The following RANBP17 variants were observed in gnomAD, a reference collection of about 807,000 sequenced individuals.
RANBP17 encodes RAN binding protein 17, also known as ran-binding protein 17.
Under a neutral mutation model 141.2 loss-of-function variants are expected in RANBP17, and 158 were observed. The ratio of observed to expected loss-of-function variants is 1.12; its 90% confidence interval spans 0.98 to 1.28. RANBP17 has a LOEUF of 1.28. RANBP17 is among the 50% of genes most tolerant of loss of function. The probability of loss-of-function intolerance (pLI) is 0.00; values close to 1 mark genes in which losing one functional copy is unlikely to be tolerated. For synonymous variants in RANBP17, 430 were observed against 450.0 expected, an observed-to-expected ratio of 0.96 and a Z score of 0.56; for missense variants, 1,438 against 1,290.7, an observed-to-expected ratio of 1.11 and a Z score of -1.75.
At position 171,051,237 on chromosome 5, in the gene RANBP17, C is replaced by A. The variant is rs138363838; in HGVS notation, c.1710+82860C>A. Among the ~76,000 whole-genome samples the A allele has an allele frequency of 5.9e-4, 89 of 151,874 alleles. No homozygotes were observed. In the East Asian group the frequency reaches 0.015, roughly 26 times the overall value. On this transcript the variant is annotated intron_variant, in intron 14 of 27. Transcript: ENST00000523189. Reference sequence around the variant, plus strand: ...CTTGAGAATTTATTATTCCTTTTTTCTTTATTTATTGTTGTGAAATTCACA... The same window carrying A: ...CTTGAGAATTTATTATTCCTTTTTTATTTATTTATTGTTGTGAAATTCACA...
intron 1 of RANBP17, among the ~76,000 whole-genome samples, chr5:170,863,335 A>G (rs1261878328): frequency 1.3e-5 from 2 of 152,182 alleles, no homozygotes; most frequent in Admixed American, 6.6e-5. Flanking sequence ...TAATATGGTG[A>G]CAGTGTATCT....
At chr5:171,011,238 C>T (rs1377652547) in intron 14 of RANBP17, among the ~76,000 whole-genome samples, 3 of 152,018 alleles carry the variant, frequency 2.0e-5, no homozygotes, top group Non-Finnish European at 4.4e-5. Context: ...AGATATTGTA[C>T]TGCTTGTATT....
chr5:171,188,147 A>G (rs914973248), intron 18 of RANBP17, among the ~76,000 whole-genome samples: 5 of 152,216 alleles, frequency 3.3e-5, no homozygotes, highest in African/African-American at 4.8e-5. Context: ...ATTGATTTCT[A>G]AGGAAAGATT....
chr5:171,274,345 A>T (rs1026856819), intron 25 of RANBP17, among the ~76,000 whole-genome samples: 2 of 152,178 alleles, frequency 1.3e-5, no homozygotes, highest in African/African-American at 4.8e-5. Context: ...ATTTAAAAAT[A>T]GAGAAACACT....
At chr5:171,171,463 A>G (rs903259335) in intron 16 of RANBP17, among the ~76,000 whole-genome samples, 177 bp downstream of exon 16, 2 of 152,082 alleles carry the variant, frequency 1.3e-5, no homozygotes, top group South Asian at 2.1e-4. Flanking sequence ...GCTGTATACT[A>G]TGAAGCATTT....
intron 14 of RANBP17, among the ~76,000 whole-genome samples, chr5:171,129,910 A>G (rs1443066665): frequency 6.6e-6 from 1 of 152,198 alleles, no homozygotes; most frequent in Non-Finnish European, 1.5e-5. Context: ...TATGAATAGT[A>G]TTAGATGGAG....
At chr5:171,215,563 C>T (rs979048944) in intron 21 of RANBP17, among the ~76,000 whole-genome samples, 2 of 152,156 alleles carry the variant, frequency 1.3e-5, no homozygotes, top group African/African-American at 4.8e-5. Flanking sequence ...TGACCAGCAT[C>T]TGTTGTTTCC....
chr5:170,896,280 G>A (rs1561865350), intron 5 of RANBP17, 165 bp downstream of exon 5: 1 of 575,460 alleles, frequency 1.7e-6, no homozygotes, highest in African/African-American at 1.9e-5. Flanking sequence ...GGCTAATTAA[G>A]TGGTGGAATA....
chr5:171,030,093 GCT>G (rs1562004081), intron 14 of RANBP17, among the ~76,000 whole-genome samples: 1 of 152,002 alleles, frequency 6.6e-6, no homozygotes, highest in Non-Finnish European at 1.5e-5. Flanking sequence ...CAGTGAGTTT[GCT>G]ACAGTAATGA....
intron 14 of RANBP17, among the ~76,000 whole-genome samples, chr5:171,073,128 A>T (rs1030672079): frequency 1.3e-5 from 2 of 152,138 alleles, no homozygotes; most frequent in African/African-American, 4.8e-5. Flanking sequence ...GATGGATTCT[A>T]TCCATTCATT....
At position 171,111,671 on chromosome 5, in the gene RANBP17, A is replaced by G. The variant is rs961981560; in HGVS notation, c.1711-58459A>G. Reference sequence around the variant, plus strand: ...TTGCTGAATTATTTGTAACTCTTTGATGTGCTCCTTCACTACTTTTGGGCC... The same window carrying G: ...TTGCTGAATTATTTGTAACTCTTTGGTGTGCTCCTTCACTACTTTTGGGCC... On this transcript the variant is annotated intron_variant, in intron 14 of 27. Coordinates refer to ENST00000523189, the MANE Select transcript of RANBP17 (RefSeq NM_022897.5). 4.6e-5 allele frequency among the ~76,000 whole-genome samples: 7 copies of G among 152,226 alleles called. 1 individual carries two copies. Among genetic ancestry groups the G allele is most frequent in the Admixed American group, 2.6e-4 (4 of 15,296 alleles).
intron 3 of RANBP17, among the ~76,000 whole-genome samples, chr5:170,882,684 A>G (rs1016696405): frequency 1.3e-5 from 2 of 152,246 alleles, no homozygotes; most frequent in Non-Finnish European, 2.9e-5. Flanking sequence ...AGGATGCTAT[A>G]TCAAAATCAT....
chr5:170,881,798 C>A lies in RANBP17; in HGVS notation c.166-8C>A. On this transcript the variant is annotated splice_region_variant and splice_polypyrimidine_tract_variant and intron_variant, in intron 2 of 27. Transcript: ENST00000523189. ...TATGATAATAATAAATAAAATTATTCTTTACAGACATCCTATGCTCAGCTC... is the reference window on the plus strand; with the variant it reads ...TATGATAATAATAAATAAAATTATTATTTACAGACATCCTATGCTCAGCTC... The A allele has an allele frequency of 1.3e-6, 2 of 1,548,034 alleles. No individual in the cohort carries two copies. Among genetic ancestry groups the A allele is most frequent in the Non-Finnish European group, 8.8e-7 (1 of 1,140,522 alleles).
At chr5:171,240,878 A>T in intron 22 of RANBP17, 50 bp from the exon 23 acceptor site, 2 of 1,226,208 alleles carry the variant, frequency 1.6e-6, no homozygotes, top group Non-Finnish European at 2.4e-6. Context: ...TCCCATAACT[A>T]CTTTGAATGA....
At chr5:170,964,131 A>T (rs1464879527) in intron 13 of RANBP17, among the ~76,000 whole-genome samples, 1 of 152,160 alleles carries the variant, frequency 6.6e-6, no homozygotes, top group Non-Finnish European at 1.5e-5. Flanking sequence ...AGTGATGGTA[A>T]GAGTATAAAT....
intron 18 of RANBP17, among the ~76,000 whole-genome samples, chr5:171,196,214 G>T (rs1561753255): frequency 1.3e-5 from 2 of 152,158 alleles, no homozygotes; most frequent in African/African-American, 4.8e-5. Context: ...TAGATAGAGT[G>T]GTCAGGGAAG....
intron 1 of RANBP17, among the ~76,000 whole-genome samples, chr5:170,874,653 C>CTTTTT (rs56729722): frequency 6.7e-6 from 1 of 148,382 alleles, no homozygotes; most frequent in Non-Finnish European, 1.5e-5. Flanking sequence ...TTAACCCCTG[C>CTTTTT]TTTTTTTTTT....
At chr5:170,943,687 A>G (rs1412607683) in intron 12 of RANBP17, among the ~76,000 whole-genome samples, 3 of 152,158 alleles carry the variant, frequency 2.0e-5, no homozygotes, top group Admixed American at 2.0e-4. Context: ...TTTTCTCTAA[A>G]TGCAATTTAG....
intron 5 of RANBP17, among the ~76,000 whole-genome samples, chr5:170,898,734 A>G (rs562002204): frequency 6.6e-6 from 1 of 152,312 alleles, no homozygotes; most frequent in Admixed American, 6.5e-5. Context: ...AGTTTTCTGT[A>G]TATGGCTAGC....
Sources: allele counts gnomAD v4.1 joint callset (sites outside exome capture counted in the v4.1 genomes callset), GRCh38; gene constraint gnomAD v4.1.1; transcripts MANE v1.5; gene names NCBI Gene and HGNC (gene_info 2026-07-23, HGNC 2026-07-21).